The following EARS2 variants were observed in gnomAD, a reference collection of about 807,000 sequenced individuals.
The protein encoded by EARS2 is nondiscriminating glutamyl-tRNA synthetase EARS2, mitochondrial.
Under a neutral mutation model 54.1 loss-of-function variants are expected in EARS2, and 50 were observed. That is an observed-to-expected ratio of 0.92 (90% CI 0.74 to 1.17). The LOEUF (loss-of-function observed/expected upper bound fraction) is 1.17. EARS2 is among the 50% of genes most tolerant of loss of function. EARS2 has a pLI of 0.00. For missense variants in EARS2, 673 were observed against 675.0 expected (o/e 1.00, Z 0.03); for synonymous variants, 298 against 281.0 (o/e 1.06, Z -0.61).
At chr16:23,556,223 T>C (rs1202212690) in intron 1 of EARS2, among the ~76,000 whole-genome samples, 1 of 151,882 alleles carries the variant, frequency 6.6e-6, no homozygotes, top group Admixed American at 6.6e-5. Flanking sequence ...GCCTTACTGG[T>C]GGGAACCAAA....
rs1468213016 is a variant in EARS2 at position 23,542,313 on chromosome 16, TTTC to T, written c.485+2198_485+2200del. On this transcript the variant is annotated intron_variant, in intron 3 of 8. Coordinates refer to ENST00000449606, the MANE Select transcript of EARS2 (RefSeq NM_001083614.2). Reference sequence around the variant, plus strand: ...CTTGGCCCTTTGTGGACCTTTCATTTTTCTTTTTTTTTTTTTTTTTTTTTGAGA... The same window carrying T: ...CTTGGCCCTTTGTGGACCTTTCATTTTTTTTTTTTTTTTTTTTTTTTGAGA... Among the ~76,000 whole-genome samples the T allele has an allele frequency of 2.5e-3, 209 of 83,450 alleles. 2 individuals carry two copies. The highest frequency in any genetic ancestry group is 0.01 in the African/African-American group (205 of 20,036). The allele number at this position is 83,450 out of a possible 152,430, so 54.7% of individuals were successfully genotyped here.
intron 2 of EARS2, among the ~76,000 whole-genome samples, chr16:23,546,171 C>T (rs1346328038): frequency 6.6e-6 from 1 of 152,166 alleles, no homozygotes; most frequent in Non-Finnish European, 1.5e-5. Context: ...GTAAGCCAAA[C>T]CCCAAACCCA....
intron 1 of EARS2, among the ~76,000 whole-genome samples, chr16:23,555,244 C>A (rs146468824): frequency 6.6e-6 from 1 of 152,124 alleles, no homozygotes; most frequent in Admixed American, 6.6e-5. Context: ...CCAGCACTTT[C>A]GGAGGCCAAG....
chr16:23,541,794 T>C (rs189196653), intron 3 of EARS2, among the ~76,000 whole-genome samples: 19 of 150,792 alleles, frequency 1.3e-4, no homozygotes, highest in African/African-American at 3.7e-4. Flanking sequence ...TCTGGGTTCA[T>C]GCGATTCTAG....
intron 6 of EARS2, 50 bp from the exon 7 acceptor site, chr16:23,529,682 G>A: frequency 6.2e-7 from 1 of 1,612,810 alleles, no homozygotes; most frequent in Non-Finnish European, 8.5e-7. Flanking sequence ...GCTCTGGAAG[G>A]CAGGAGGAAT....
intron 3 of EARS2, among the ~76,000 whole-genome samples, chr16:23,543,277 T>G (rs1049361255): frequency 1.3e-5 from 2 of 150,380 alleles, no homozygotes; most frequent in Non-Finnish European, 3.0e-5. Flanking sequence ...AAAAAAAAAA[T>G]TAGCCAGGAG....
chr16:23,545,629 T>C (rs1452898090), intron 2 of EARS2, among the ~76,000 whole-genome samples: 1 of 152,184 alleles, frequency 6.6e-6, no homozygotes, highest in Non-Finnish European at 1.5e-5. Context: ...GGAGCCGATA[T>C]TCTTAACCAC....
intron 3 of EARS2, among the ~76,000 whole-genome samples, chr16:23,539,395 T>C (rs1268286720): frequency 6.6e-6 from 1 of 152,162 alleles, no homozygotes; most frequent in Non-Finnish European, 1.5e-5. Flanking sequence ...TCCACCCCAA[T>C]GACATTTCAC....
intron 1 of EARS2, chr16:23,556,890 C>G: frequency 1.7e-6 from 1 of 601,802 alleles, no homozygotes; most frequent in Non-Finnish European, 3.1e-6. Context: ...AGGCCCCTAC[C>G]TTTCTCAATG....
At position 23,535,374 on chromosome 16, in the gene EARS2, G is replaced by A; in HGVS notation, c.486-14C>T. The A allele has an allele frequency of 6.3e-7, 1 of 1,592,564 alleles. No individual in the cohort carries two copies. Among genetic ancestry groups the A allele is most frequent in the Non-Finnish European group, 8.5e-7 (1 of 1,176,280 alleles). On this transcript the variant is annotated splice_polypyrimidine_tract_variant and intron_variant, in intron 3 of 8. Transcript: ENST00000449606. ...CGATTGTCATACCTGATGGGGAGCA[G>A]AGCAGCATGAGTACTGTTGATGGAA...
chr16:23,535,137 G>A lies in EARS2; in HGVS notation c.709C>T (p.His237Tyr). The A allele has an allele frequency of 6.2e-7, 1 of 1,612,928 alleles. No individual in the cohort carries two copies. The highest frequency in any genetic ancestry group is 1.1e-5 in the South Asian group (1 of 90,930). Residue 237 changes from histidine (H) to tyrosine (Y), a missense_variant, in exon 4 of 9, where the codon CAC (histidine) becomes TAC (tyrosine). By Grantham distance (83) the His-to-Tyr change is moderately conservative (BLOSUM62 2). Transcript: ENST00000449606. ...TYHLACVVDD[H>Y]HMGISHVLRG... ...AGCACGTGGCTGATGCCCATGTGGT[G>A]GTCGTCCACCACGCAGGCCAGGTGG...
intron 2 of EARS2, chr16:23,546,455 T>C (rs1468070972): frequency 1.3e-5 from 6 of 455,914 alleles, no homozygotes; most frequent in Non-Finnish European, 2.2e-5. Flanking sequence ...AGGAAACAAG[T>C]AGTAACTTTC....
At chr16:23,551,479 G>T (rs1286123208) in intron 2 of EARS2, among the ~76,000 whole-genome samples, 1 of 152,116 alleles carries the variant, frequency 6.6e-6, no homozygotes, top group Non-Finnish European at 1.5e-5. Flanking sequence ...AGCCAGGCGT[G>T]GTGGTGCGTG....
At chr16:23,525,512 G>T in intron 7 of EARS2, 133 bp from the exon 8 acceptor site, 1 of 1,069,054 alleles carries the variant, frequency 9.4e-7, no homozygotes, top group Non-Finnish European at 1.3e-6. Flanking sequence ...TTTGAGGGAG[G>T]TGAGGAAGAT....
At chr16:23,546,837 G>A (rs890703902) in intron 2 of EARS2, among the ~76,000 whole-genome samples, 9 of 152,230 alleles carry the variant, frequency 5.9e-5, no homozygotes, top group African/African-American at 9.6e-5. Flanking sequence ...GATTATAGGC[G>A]TGAGCCATGG....
chr16:23,534,397 C>T lies in EARS2; in HGVS notation c.958+491G>A, dbSNP rs552970973. 2.0e-5 allele frequency among the ~76,000 whole-genome samples: 3 copies of T among 152,280 alleles called. No homozygotes were observed. The South Asian group carries it at 6.2e-4, about 32-fold the overall frequency. ...CTAAGTCTTGGACCATGGGTAAGTG[C>T]TCAGCTTGAAATAAACTAGATTCAT... On this transcript the variant is annotated intron_variant, in intron 4 of 8. Transcript: ENST00000449606.
At chr16:23,529,439 A>G in intron 7 of EARS2, 63 bp downstream of exon 7, 6 of 1,570,196 alleles carry the variant, frequency 3.8e-6, no homozygotes, top group South Asian at 1.2e-5. Flanking sequence ...AAGGAAAGAG[A>G]GCCATGGGAC....
chr16:23,529,093 C>T (rs1244794654), intron 7 of EARS2, among the ~76,000 whole-genome samples: 1 of 152,206 alleles, frequency 6.6e-6, no homozygotes, highest in Non-Finnish European at 1.5e-5. Context: ...CAATTATTCC[C>T]CTCTTGCCTA....
At chr16:23,527,481 A>AGACAGATCTCCTTACTAACTGTCAGCACT (rs1292426668) in intron 7 of EARS2, among the ~76,000 whole-genome samples, 3 of 151,870 alleles carry the variant, frequency 2.0e-5, no homozygotes, top group Non-Finnish European at 4.4e-5. Context: ...CTTTCAGTGC[A>AGACAGATCTCCTTACTAACTGTCAGCACT]GACAGATCTC....
Sources: allele counts gnomAD v4.1 joint callset (sites outside exome capture counted in the v4.1 genomes callset), GRCh38; gene constraint gnomAD v4.1.1; transcripts MANE v1.5; gene names NCBI Gene and HGNC (gene_info 2026-07-23, HGNC 2026-07-21).